The following TAF3 variants were observed in gnomAD, a reference collection of about 807,000 sequenced individuals.
The protein encoded by TAF3 is transcription initiation factor TFIID subunit 3.
Under a neutral mutation model 80.6 loss-of-function variants are expected in TAF3, and 7 were observed. The ratio of observed to expected loss-of-function variants is 0.09; its 90% CI spans 0.05 to 0.16. The LOEUF (loss-of-function observed/expected upper bound fraction) is 0.16, where lower values mean the gene tolerates loss of function less well. Ranked by LOEUF, TAF3 falls within the 10% of genes least tolerant of loss-of-function variation. The probability of loss-of-function intolerance (pLI) is 1.00; values close to 1 mark genes in which losing one functional copy is unlikely to be tolerated. For synonymous variants in TAF3, 444 were observed against 446.1 expected (o/e 1.00, Z 0.06); for missense variants, 921 against 1,140.2 (o/e 0.81, Z 2.77).
At chr10:7,956,349 T>G (rs1399419823) in intron 2 of TAF3, among the ~76,000 whole-genome samples, 1 of 151,868 alleles carries the variant, frequency 6.6e-6, no homozygotes, top group East Asian at 1.9e-4. Flanking sequence ...TAGCCAGACA[T>G]AGTGGCACGT....
chr10:7,887,503 T>TC, intron 2 of TAF3, among the ~76,000 whole-genome samples: 1 of 152,040 alleles, frequency 6.6e-6, no homozygotes, highest in East Asian at 1.9e-4. Context: ...TCTTTTTCTT[T>TC]CCCCACTTCT....
chr10:7,986,026 C>T (rs2131425053), intron 4 of TAF3, among the ~76,000 whole-genome samples: 1 of 152,244 alleles, frequency 6.6e-6, no homozygotes, highest in South Asian at 2.1e-4. Flanking sequence ...TCATGTGATC[C>T]ACCCACCTCG....
intron 2 of TAF3, among the ~76,000 whole-genome samples, chr10:7,882,891 C>G (rs980245948): frequency 1.3e-5 from 2 of 152,156 alleles, no homozygotes; most frequent in East Asian, 3.8e-4. Context: ...CACTTTACAT[C>G]GTTTGCTTTT....
chr10:7,896,332 G>A (rs1202544987), intron 2 of TAF3, among the ~76,000 whole-genome samples: 3 of 152,182 alleles, frequency 2.0e-5, no homozygotes, highest in African/African-American at 4.8e-5. Context: ...TCATTCTGGG[G>A]ATGGTTGTAA....
intron 3 of TAF3, among the ~76,000 whole-genome samples, chr10:7,974,133 T>TACACACACAC (rs56363651): frequency 1.3e-3 from 185 of 145,356 alleles, no homozygotes; most frequent in African/African-American, 3.7e-3. Flanking sequence ...TTCTGAAACA[T>TACACACACAC]ACACACACAC....
At chr10:7,946,982 G>A (rs1838031015) in intron 2 of TAF3, among the ~76,000 whole-genome samples, 1 of 152,156 alleles carries the variant, frequency 6.6e-6, no homozygotes, top group South Asian at 2.1e-4. Context: ...GGCTGGTCTG[G>A]AACTCCTGGC....
rs150654964 is a variant in TAF3, at chr10:7,855,292, G to A, written c.409+30732G>A. Among the ~76,000 whole-genome samples the A allele has an allele frequency of 5.3e-3, 804 of 152,316 alleles. 6 individuals carry two copies. Among genetic ancestry groups the A allele is most frequent in the African/African-American group, 0.019 (778 of 41,574 alleles). On this transcript the variant is annotated intron_variant, in intron 2 of 6. Coordinates refer to ENST00000344293, the MANE Select transcript of TAF3 (RefSeq NM_031923.4). ...TGGATTTCCTCCCTGGTTTGGTGCAGCTGAGCAGCTGCCTCTACAAAAGAC... is the reference window on the plus strand; with the variant it reads ...TGGATTTCCTCCCTGGTTTGGTGCAACTGAGCAGCTGCCTCTACAAAAGAC...
intron 4 of TAF3, among the ~76,000 whole-genome samples, chr10:7,987,163 A>G (rs1831786799): frequency 6.6e-6 from 1 of 152,122 alleles, no homozygotes; most frequent in Non-Finnish European, 1.5e-5. Flanking sequence ...CTCTACAAAA[A>G]ATAGAAAAAT....
At chr10:7,922,874 C>A (rs570563746) in intron 2 of TAF3, among the ~76,000 whole-genome samples, 30 of 151,996 alleles carry the variant, frequency 2.0e-4, no homozygotes, top group Non-Finnish European at 4.1e-4. Context: ...AGTTAAAATG[C>A]ATAATTGGAG....
intron 4 of TAF3, among the ~76,000 whole-genome samples, chr10:7,984,740 A>G (rs1831760488): frequency 6.6e-6 from 1 of 152,194 alleles, no homozygotes; most frequent in Non-Finnish European, 1.5e-5. Context: ...GAAAGTACTT[A>G]AGATTCATTA....
intron 2 of TAF3, among the ~76,000 whole-genome samples, chr10:7,913,040 G>A (rs963538137): frequency 2.6e-5 from 4 of 152,070 alleles, no homozygotes; most frequent in African/African-American, 4.8e-5. Flanking sequence ...CTCTTTCCTC[G>A]GCTTGCAGGT....
intron 2 of TAF3, among the ~76,000 whole-genome samples, chr10:7,942,025 G>A (rs776483566): frequency 8.5e-5 from 13 of 152,142 alleles, no homozygotes; most frequent in African/African-American, 3.1e-4. Context: ...TTTGAGGTCA[G>A]TTTTTTTGCT....
chr10:7,836,810 C>T (rs933206667), intron 2 of TAF3, among the ~76,000 whole-genome samples: 6 of 152,250 alleles, frequency 3.9e-5, no homozygotes, highest in Non-Finnish European at 8.8e-5. Flanking sequence ...TCCTTATCCT[C>T]TAAACGAAAC....
At chr10:7,948,815 A>G (rs1408776363) in intron 2 of TAF3, among the ~76,000 whole-genome samples, 1 of 152,160 alleles carries the variant, frequency 6.6e-6, no homozygotes, top group East Asian at 1.9e-4. Context: ...GTCACCCTAA[A>G]TTTGTTTTTC....
In TAF3 at chr10:8,009,066, T is replaced by C; in HGVS notation, c.2316-12T>C. 7.5e-6 allele frequency: 12 copies of C among 1,596,202 alleles called. No homozygotes were observed. Among genetic ancestry groups the C allele is most frequent in the Non-Finnish European group, 1.0e-5 (12 of 1,171,590 alleles). On this transcript the variant is annotated splice_polypyrimidine_tract_variant and intron_variant, in intron 4 of 6. Transcript: ENST00000344293. This position sits in a 1 kb window ranked among gnomAD's most constrained non-coding sequence, Gnocchi z 4.1. ...CTGTTTTGACTTTTACCTTCTCTTC[T>C]TTTGTTGACAGTGTCATCAGCAAGG...
chr10:7,842,654 G>A (rs923506364), intron 2 of TAF3, among the ~76,000 whole-genome samples: 11 of 152,212 alleles, frequency 7.2e-5, no homozygotes, highest in Middle Eastern at 3.4e-3. Context: ...AGCTTGGTAT[G>A]TCATTGAAGC....
At chr10:7,880,663 G>A (rs1187623916) in intron 2 of TAF3, among the ~76,000 whole-genome samples, 1 of 152,036 alleles carries the variant, frequency 6.6e-6, no homozygotes, top group East Asian at 1.9e-4. Flanking sequence ...CACAGTACAT[G>A]TTGTATCTTT....
chr10:8,006,120 G>A (rs1197175794), intron 4 of TAF3, among the ~76,000 whole-genome samples: 1 of 151,648 alleles, frequency 6.6e-6, no homozygotes, highest in South Asian at 2.1e-4. Flanking sequence ...ACCTGAAGTC[G>A]GGAGTTTGAG....
intron 2 of TAF3, among the ~76,000 whole-genome samples, chr10:7,864,637 G>A (rs1837191446): frequency 6.6e-6 from 1 of 152,040 alleles, no homozygotes; most frequent in South Asian, 2.1e-4. Context: ...AGAATGGTGG[G>A]GTTATACGGC....
Sources: gnomAD v4.1 joint callset for allele counts (sites outside exome capture counted in the v4.1 genomes callset) on GRCh38, gnomAD v4.1.1 for gene constraint, Gnocchi (gnomAD v3.1) non-coding constraint, MANE v1.5 for transcripts, NCBI Gene and HGNC (gene_info 2026-07-23, HGNC 2026-07-21) for gene names.